The following CTNNA3 variants were observed in gnomAD, a reference collection of about 807,000 sequenced individuals.
CTNNA3 encodes the protein catenin alpha-3.
A neutral mutation model predicts 95.7 loss-of-function variants in CTNNA3; 76 were observed. The ratio of observed to expected loss-of-function variants is 0.79; its 90% CI spans 0.66 to 0.96. The LOEUF (loss-of-function observed/expected upper bound fraction) is 0.96, where lower values mean the gene tolerates loss of function less well. Ranked by LOEUF, CTNNA3 falls within the 40% of genes least tolerant of loss-of-function variation. The pLI, the probability that CTNNA3 is intolerant of heterozygous loss-of-function variation, is 0.00. For synonymous variants in CTNNA3, 431 were observed against 374.4 expected (o/e 1.15, Z -1.74); for missense variants, 1,191 against 1,089.8 (o/e 1.09, Z -1.31).
chr10:67,330,219 A>G (rs899888281), intron 5 of CTNNA3, among the ~76,000 whole-genome samples: 2 of 152,206 alleles, frequency 1.3e-5, no homozygotes, highest in African/African-American at 4.8e-5. Context: ...ATTGGAGGCA[A>G]CATCTCACTG....
At chr10:67,442,638 T>C (rs1342626175) in intron 5 of CTNNA3, among the ~76,000 whole-genome samples, 1 of 152,038 alleles carries the variant, frequency 6.6e-6, no homozygotes, top group African/African-American at 2.4e-5. Flanking sequence ...AAAGGATCAA[T>C]TCAGCATGAT....
chr10:66,499,806 CTTTT>C (rs34040723), intron 11 of CTNNA3, among the ~76,000 whole-genome samples: 3 of 140,668 alleles, frequency 2.1e-5, no homozygotes, highest in Non-Finnish European at 3.1e-5. Flanking sequence ...GTTGCATTTC[CTTTT>C]TTTTTTTTTT....
intron 7 of CTNNA3, among the ~76,000 whole-genome samples, chr10:67,003,392 A>T (rs1851790767): frequency 6.6e-6 from 1 of 152,148 alleles, no homozygotes. Flanking sequence ...CCCTACACCA[A>T]TATTTCCCAT....
At chr10:66,714,943 T>G (rs2132617447) in intron 9 of CTNNA3, among the ~76,000 whole-genome samples, 1 of 152,272 alleles carries the variant, frequency 6.6e-6, no homozygotes, top group Admixed American at 6.5e-5. Context: ...AGCCCTTCTC[T>G]TTCCACTTCC....
At chr10:66,513,958 G>A (rs1840751239) in intron 11 of CTNNA3, among the ~76,000 whole-genome samples, 1 of 151,298 alleles carries the variant, frequency 6.6e-6, no homozygotes, top group Non-Finnish European at 1.5e-5. Flanking sequence ...TGGTGTCGGG[G>A]GATGTAGGCT....
intron 1 of CTNNA3, among the ~76,000 whole-genome samples, chr10:67,718,969 C>T (rs1397235810): frequency 6.6e-6 from 1 of 152,136 alleles, no homozygotes; most frequent in Non-Finnish European, 1.5e-5. Context: ...TAATTACTGC[C>T]TCAATTTCAG....
chr10:67,312,087 T>TC (rs1306821368), intron 5 of CTNNA3, among the ~76,000 whole-genome samples: 1 of 151,606 alleles, frequency 6.6e-6, no homozygotes, highest in Non-Finnish European at 1.5e-5. Flanking sequence ...TTTTTTTTTT[T>TC]TTTGAGACAG....
intron 1 of CTNNA3, among the ~76,000 whole-genome samples, chr10:67,741,465 T>C (rs1171496090): frequency 6.6e-6 from 1 of 150,722 alleles, no homozygotes; most frequent in African/African-American, 2.4e-5. Flanking sequence ...CTGAGAGATT[T>C]TGTCACCAAC....
intron 5 of CTNNA3, among the ~76,000 whole-genome samples, chr10:67,335,927 G>A (rs928833699): frequency 6.6e-6 from 1 of 151,128 alleles, no homozygotes; most frequent in East Asian, 1.9e-4. Flanking sequence ...GTGGCAAATC[G>A]GTGTCAACTG....
At chr10:66,494,864 C>T (rs1840048681) in intron 11 of CTNNA3, among the ~76,000 whole-genome samples, 1 of 152,274 alleles carries the variant, frequency 6.6e-6, no homozygotes, top group Non-Finnish European at 1.5e-5. Context: ...ATTATCACTC[C>T]CATTTTACAG....
intron 5 of CTNNA3, among the ~76,000 whole-genome samples, chr10:67,380,599 T>C (rs898520564): frequency 6.6e-6 from 1 of 152,184 alleles, no homozygotes; most frequent in Non-Finnish European, 1.5e-5. Flanking sequence ...GAAAGTTTGA[T>C]ATACTCAACT....
At chr10:66,899,243 C>A (rs557112632) in intron 7 of CTNNA3, among the ~76,000 whole-genome samples, 1 of 152,162 alleles carries the variant, frequency 6.6e-6, no homozygotes, top group Admixed American at 6.5e-5. Flanking sequence ...AACCTGGAAC[C>A]TTTGTCCACT....
intron 11 of CTNNA3, among the ~76,000 whole-genome samples, chr10:66,386,110 G>A (rs905788601): frequency 2.0e-5 from 3 of 152,158 alleles, no homozygotes; most frequent in Non-Finnish European, 4.4e-5. Context: ...TCAGGCAAGA[G>A]AAAGAAATAA....
At chr10:66,214,239 C>A (rs1485112671) in intron 13 of CTNNA3, among the ~76,000 whole-genome samples, 1 of 152,158 alleles carries the variant, frequency 6.6e-6, no homozygotes, top group Non-Finnish European at 1.5e-5. Flanking sequence ...AAATCTGCAG[C>A]ATGCAGTCAC....
At chr10:67,628,976 T>G (rs551700409) in intron 2 of CTNNA3, among the ~76,000 whole-genome samples, 1 of 151,740 alleles carries the variant, frequency 6.6e-6, no homozygotes, top group African/African-American at 2.4e-5. Flanking sequence ...TATAAGTGAA[T>G]CAATGAACTG....
intron 11 of CTNNA3, among the ~76,000 whole-genome samples, chr10:66,404,672 G>T (rs1176430273): frequency 1.3e-5 from 2 of 152,114 alleles, no homozygotes; most frequent in African/African-American, 4.8e-5. Context: ...AGACACTTTA[G>T]GTCAGACTTC....
chr10:66,509,391 A>G (rs1840576727), intron 11 of CTNNA3, among the ~76,000 whole-genome samples: 1 of 151,974 alleles, frequency 6.6e-6, no homozygotes, highest in South Asian at 2.1e-4. Flanking sequence ...AGTTTTATAT[A>G]GTCTGATTTG....
chr10:67,060,868 G>A (rs1855717693), intron 7 of CTNNA3, among the ~76,000 whole-genome samples: 1 of 152,120 alleles, frequency 6.6e-6, no homozygotes, highest in African/African-American at 2.4e-5. Flanking sequence ...TTTAAGCTAT[G>A]ACTTTAACTA....
At chr10:66,764,222 GATTTT>G (rs1297465555) in intron 9 of CTNNA3, among the ~76,000 whole-genome samples, 1 of 152,068 alleles carries the variant, frequency 6.6e-6, no homozygotes, top group Non-Finnish European at 1.5e-5. Flanking sequence ...AATTCCAAAA[GATTTT>G]ATTCTTTCAA....
Sources: allele counts gnomAD v4.1 joint callset (sites outside exome capture counted in the v4.1 genomes callset), GRCh38; gene constraint gnomAD v4.1.1; transcripts MANE v1.5; gene names NCBI Gene and HGNC (gene_info 2026-07-23, HGNC 2026-07-21).